EYS: variants seen among roughly 807,000 people sequenced by gnomAD.
EYS encodes protein eyes shut homolog.
A neutral mutation model predicts 282.1 loss-of-function variants in EYS; 250 were observed. The ratio of observed to expected loss-of-function variants is 0.89; its 90% confidence interval spans 0.80 to 0.98. EYS has a LOEUF of 0.98. Among genes scored for constraint, EYS ranks in the 50% least tolerant of loss-of-function variants. EYS has a pLI of 0.00. For synonymous variants in EYS, 1,355 were observed against 1,282.9 expected, an observed-to-expected ratio of 1.06 and a Z score of -1.20; for missense variants, 4,016 against 3,709.0, an observed-to-expected ratio of 1.08 and a Z score of -2.15.
intron 22 of EYS, among the ~76,000 whole-genome samples, chr6:64,646,054 A>C (rs1424645218): frequency 6.6e-6 from 1 of 152,204 alleles, no homozygotes; most frequent in Non-Finnish European, 1.5e-5. Flanking sequence ...AGGAAGTAAA[A>C]ATCATTTGGG....
chr6:65,000,920 T>G (rs1296960907), intron 13 of EYS, among the ~76,000 whole-genome samples: 1 of 152,158 alleles, frequency 6.6e-6, no homozygotes, highest in Non-Finnish European at 1.5e-5. Context: ...CATGCTAGAG[T>G]TCCCTGATCC....
Position 65,494,850 on chromosome 6 carries a change from A to G in EYS, c.561T>C (p.Gly187=), listed in dbSNP as rs1194768326. The G allele has an allele frequency of 1.2e-6, 2 of 1,614,050 alleles. No individual in the cohort carries two copies. The highest frequency in any genetic ancestry group is 2.7e-5 in the African/African-American group (2 of 74,950). ...TGCTCCAAGCTTCACTAAGACATTT[A>G]CCATGACCAGAGCAAAATTCTGAAC... ...SLSSEFCSGH[G]KCLSEAWSKT... The change falls in exon 4 of 43, where the codon GGT becomes GGC. Residue 187 remains glycine, a synonymous_variant. Coordinates refer to ENST00000503581, the MANE Select transcript of EYS (RefSeq NM_001142800.2).
At chr6:63,766,215 C>G (rs767206440) in intron 40 of EYS, among the ~76,000 whole-genome samples, 5 of 151,960 alleles carry the variant, frequency 3.3e-5, no homozygotes, top group Non-Finnish European at 5.9e-5. Flanking sequence ...CCACAGAAAA[C>G]ACACAAATGG....
At chr6:63,986,302 G>A (rs1315797978) in intron 34 of EYS, among the ~76,000 whole-genome samples, 1 of 151,816 alleles carries the variant, frequency 6.6e-6, no homozygotes, top group Admixed American at 6.6e-5. Flanking sequence ...AGAGAAAAAG[G>A]AACACTTATA....
chr6:63,944,178 C>T lies in EYS; in HGVS notation c.7055+40205G>A, dbSNP rs545083609. On this transcript the variant is annotated intron_variant, in intron 35 of 42. Transcript: ENST00000503581. The stretch of plus-strand genomic sequence containing the variant: ...TCTGTCCCTCACAGCCAAAATAATC[C>T]TGGCTAATTCAACAAATAAGCAATA... Among the ~76,000 whole-genome samples, 357 of 152,252 alleles carry T rather than the reference C, an allele frequency of 2.3e-3. 1 individual carries two copies. Among genetic ancestry groups the T allele is most frequent in the South Asian group, 0.011 (52 of 4,834 alleles).
chr6:64,301,472 C>T (rs533120788), intron 30 of EYS, among the ~76,000 whole-genome samples: 2 of 152,144 alleles, frequency 1.3e-5, no homozygotes, highest in African/African-American at 2.4e-5. Context: ...GGACAGATGG[C>T]CCCAGTACTA....
chr6:64,622,239 A>G (rs934905830), intron 23 of EYS, among the ~76,000 whole-genome samples: 1 of 151,956 alleles, frequency 6.6e-6, no homozygotes, highest in Non-Finnish European at 1.5e-5. Context: ...TATTTATATA[A>G]TTTTTCTGCC....
chr6:63,969,619 T>C (rs1766462296), intron 35 of EYS, among the ~76,000 whole-genome samples: 2 of 152,238 alleles, frequency 1.3e-5, no homozygotes, highest in African/African-American at 4.8e-5. Flanking sequence ...CATTTGAAGC[T>C]AAACAAAGAT....
intron 1 of EYS, among the ~76,000 whole-genome samples, chr6:65,702,767 A>ATG (rs903870322): frequency 6.1e-4 from 93 of 151,540 alleles, no homozygotes; most frequent in African/African-American, 2.1e-3. Context: ...ATAGATACAT[A>ATG]TGTGTGTGTG....
intron 35 of EYS, among the ~76,000 whole-genome samples, chr6:63,919,131 G>A (rs1441841519): frequency 6.6e-6 from 1 of 152,030 alleles, no homozygotes; most frequent in Non-Finnish European, 1.5e-5. Context: ...AAGGAGCAGG[G>A]CATCGCTGAG....
chr6:64,808,884 A>G (rs1044931760), intron 22 of EYS, among the ~76,000 whole-genome samples: 1 of 152,248 alleles, frequency 6.6e-6, no homozygotes, highest in East Asian at 1.9e-4. Flanking sequence ...ATCTGATATG[A>G]CTCTGACCTG....
At chr6:65,440,626 C>T (rs753479368) in intron 5 of EYS, among the ~76,000 whole-genome samples, 4 of 151,198 alleles carry the variant, frequency 2.6e-5, no homozygotes, top group Non-Finnish European at 5.9e-5. Context: ...CCCACATTTC[C>T]TCCATAAACA....
intron 8 of EYS, among the ~76,000 whole-genome samples, chr6:65,364,038 T>TGGAATA (rs1562124201): frequency 9.3e-5 from 14 of 151,224 alleles, no homozygotes; most frequent in Admixed American, 8.7e-4. Flanking sequence ...AAGTACTTCT[T>TGGAATA]TGGTATTTTT....
chr6:64,746,529 C>T (rs773509591), intron 22 of EYS, among the ~76,000 whole-genome samples: 13 of 152,056 alleles, frequency 8.5e-5, no homozygotes, highest in Admixed American at 2.0e-4. Context: ...GATTTTTAAA[C>T]ATTTACAATA....
At chr6:65,048,329 T>G (rs1374927545) in intron 13 of EYS, among the ~76,000 whole-genome samples, 2 of 151,884 alleles carry the variant, frequency 1.3e-5, no homozygotes, top group African/African-American at 4.8e-5. Flanking sequence ...CTTGTGAAGG[T>G]TACCAAGGCC....
At chr6:65,319,291 A>G (rs1237530635) in intron 11 of EYS, among the ~76,000 whole-genome samples, 6 of 150,682 alleles carry the variant, frequency 4.0e-5, no homozygotes, top group Non-Finnish European at 7.4e-5. Context: ...GAGGCAGGAG[A>G]ATCTCTTTAA....
At chr6:64,006,797 T>C (rs549613443) in intron 33 of EYS, among the ~76,000 whole-genome samples, 72 of 152,172 alleles carry the variant, frequency 4.7e-4, no homozygotes, top group Non-Finnish European at 8.7e-4. Context: ...ATCCCATTTA[T>C]TGATTTGCAT....
intron 36 of EYS, among the ~76,000 whole-genome samples, chr6:63,859,609 A>C (rs1241575713): frequency 6.6e-6 from 1 of 151,982 alleles, no homozygotes; most frequent in Admixed American, 6.6e-5. Context: ...TTATACATTA[A>C]GAGAACATTC....
intron 12 of EYS, among the ~76,000 whole-genome samples, chr6:65,121,440 C>G (rs1775547643): frequency 6.6e-6 from 1 of 152,100 alleles, no homozygotes; most frequent in Non-Finnish European, 1.5e-5. Flanking sequence ...TGGTACTAGG[C>G]TAATTATTAC....
Sources: gnomAD v4.1 joint callset for allele counts (sites outside exome capture counted in the v4.1 genomes callset) on GRCh38, gnomAD v4.1.1 for gene constraint, MANE v1.5 for transcripts, NCBI Gene and HGNC (gene_info 2026-07-23, HGNC 2026-07-21) for gene names.